ASTN1: variants seen among roughly 807,000 people sequenced by gnomAD.
ASTN1 encodes the protein astrotactin 1, also known as astrotactin-1.
In ASTN1, 41 loss-of-function variants were observed where a neutral mutation model predicts 140.7. That is an observed-to-expected ratio of 0.29 (90% CI 0.23 to 0.38). ASTN1 has a LOEUF of 0.38. ASTN1 is among the 10% of genes least tolerant of loss of function. The pLI is 1.00. For synonymous variants in ASTN1, 640 were observed against 652.2 expected, an observed-to-expected ratio of 0.98 and a Z score of 0.29; for missense variants, 1,479 against 1,678.8, an observed-to-expected ratio of 0.88 and a Z score of 2.08.
intron 5 of ASTN1, among the ~76,000 whole-genome samples, chr1:177,028,404 A>C (rs1164884750): frequency 6.6e-6 from 1 of 152,210 alleles, no homozygotes; most frequent in Non-Finnish European, 1.5e-5. Flanking sequence ...TCTTGAGAAA[A>C]ATGATGGAAA....
chr1:176,936,744 A>G (rs1006590377), intron 14 of ASTN1, among the ~76,000 whole-genome samples: 1 of 152,176 alleles, frequency 6.6e-6, no homozygotes, highest in African/African-American at 2.4e-5. Context: ...AAACCTGACT[A>G]CACTCTCTCT....
intron 2 of ASTN1, among the ~76,000 whole-genome samples, chr1:177,051,876 G>A (rs1447706562): frequency 1.3e-5 from 2 of 152,154 alleles, no homozygotes; most frequent in African/African-American, 2.4e-5. Context: ...TACCTGGGCA[G>A]TGATGGAATT....
rs1034069916 is a variant in ASTN1 at position 177,023,449 on chromosome 1, G to A, written c.1393C>T (p.Arg465Trp). 16 of 1,606,482 alleles carry A rather than the reference G, an allele frequency of 1.0e-5. No homozygotes were observed. Among genetic ancestry groups the A allele is most frequent in the South Asian group, 2.2e-5 (2 of 89,844 alleles). Residue 465 changes from arginine (R) to tryptophan (W), a missense_variant, in exon 7 of 23, where the codon CGG (arginine) becomes TGG (tryptophan). Physicochemically the swap from Arg to Trp is moderately radical, Grantham distance 101. Transcript: ENST00000361833. ...SGPWAMDLCA[R>W]RLLDPCEHQC... ...TGTTCACAGGGGTCCAGGAGCCGCC[G>A]GGCACAGAGGTCCATGGCCCAGGGT... is the stretch of plus-strand genomic sequence containing the variant.
chr1:177,138,189 A>G (rs1293081797), intron 1 of ASTN1, among the ~76,000 whole-genome samples: 1 of 152,218 alleles, frequency 6.6e-6, no homozygotes, highest in Non-Finnish European at 1.5e-5. Context: ...TCACCTTAAA[A>G]GGCTAAATTT....
intron 14 of ASTN1, among the ~76,000 whole-genome samples, chr1:176,941,111 G>A (rs1671694170): frequency 6.6e-6 from 1 of 152,142 alleles, no homozygotes. Flanking sequence ...TAAATTTATG[G>A]GAATTATGAC....
chr1:177,043,802 GCCCTTCATTC>G lies in ASTN1; in HGVS notation c.472-10963_472-10954del, dbSNP rs1558054046. On this transcript the variant is annotated intron_variant, in intron 2 of 22. Transcript: ENST00000361833. ...CATCATATGCCAATATCCCTTCCAA[GCCCTTCATTC>G]CTTGCCAGCAAGCTTTGTCTGGCAT... Among the ~76,000 whole-genome samples, 5 of 152,290 alleles carry G rather than the reference GCCCTTCATTC, an allele frequency of 3.3e-5. No homozygotes were observed. The East Asian group carries it at 9.6e-4, about 29-fold the overall frequency.
intron 8 of ASTN1, among the ~76,000 whole-genome samples, chr1:176,996,314 G>C (rs34585471): frequency 0.32 from 46,814 of 146,994 alleles, 8,700 homozygotes; most frequent in Non-Finnish European, 0.43. Context: ...CACACACAGA[G>C]AGAGAGAGAG....
intron 11 of ASTN1, among the ~76,000 whole-genome samples, chr1:176,954,976 C>T (rs1211893227): frequency 6.6e-6 from 1 of 152,196 alleles, no homozygotes; most frequent in Non-Finnish European, 1.5e-5. Context: ...GTTGAGCAGC[C>T]TATGCGGACC....
intron 11 of ASTN1, 59 bp downstream of exon 11, chr1:176,957,619 C>T (rs1672465122): frequency 1.4e-5 from 22 of 1,592,102 alleles, no homozygotes; most frequent in Non-Finnish European, 1.7e-5. Flanking sequence ...TTGTGTCTTC[C>T]CCCGTGCCTT....
chr1:176,925,472 G>C (rs1670915406), intron 16 of ASTN1, among the ~76,000 whole-genome samples: 1 of 152,068 alleles, frequency 6.6e-6, no homozygotes, highest in South Asian at 2.1e-4. Flanking sequence ...AAGATCTTAG[G>C]TGATACATAT....
chr1:176,877,068 C>A (rs903464757), intron 20 of ASTN1, among the ~76,000 whole-genome samples: 5 of 152,120 alleles, frequency 3.3e-5, no homozygotes, highest in Admixed American at 2.6e-4. Context: ...ACTTTGACAA[C>A]CACTCAGGGG....
chr1:177,033,011 T>G (rs925690541), intron 2 of ASTN1, among the ~76,000 whole-genome samples, 162 bp from the exon 3 acceptor site: 1 of 152,154 alleles, frequency 6.6e-6, no homozygotes, highest in Non-Finnish European at 1.5e-5. Context: ...CAAAGGGAAA[T>G]TCTACTGTGA....
chr1:176,952,274 AACAC>A (rs144279619), intron 11 of ASTN1, among the ~76,000 whole-genome samples: 3 of 149,716 alleles, frequency 2.0e-5, no homozygotes, highest in Non-Finnish European at 3.0e-5. Context: ...CAAACACACA[AACAC>A]ACACACACAC....
At chr1:177,053,049 T>C (rs1357349135) in intron 2 of ASTN1, among the ~76,000 whole-genome samples, 1 of 152,230 alleles carries the variant, frequency 6.6e-6, no homozygotes, top group Non-Finnish European at 1.5e-5. Context: ...TGATAGTATG[T>C]ATGCAAATGA....
At chr1:176,995,543 CG>C (rs1311797624) in intron 8 of ASTN1, among the ~76,000 whole-genome samples, 1 of 152,066 alleles carries the variant, frequency 6.6e-6, no homozygotes, top group Non-Finnish European at 1.5e-5. Context: ...TAGGATAGCA[CG>C]GCACACACAA....
chr1:177,104,112 A>T (rs946125180), intron 1 of ASTN1, among the ~76,000 whole-genome samples: 1 of 152,000 alleles, frequency 6.6e-6, no homozygotes, highest in Non-Finnish European at 1.5e-5. Flanking sequence ...TGGCCTCTGC[A>T]ATGCCCACCA....
At chr1:177,005,237 AT>A (rs1674933835) in intron 8 of ASTN1, among the ~76,000 whole-genome samples, 1 of 152,236 alleles carries the variant, frequency 6.6e-6, no homozygotes, top group African/African-American at 2.4e-5. Flanking sequence ...AATGCTCAAC[AT>A]TATTAATCAT....
At chr1:177,036,506 A>G (rs1676726355) in intron 2 of ASTN1, among the ~76,000 whole-genome samples, 1 of 152,196 alleles carries the variant, frequency 6.6e-6, no homozygotes, top group Non-Finnish European at 1.5e-5. Context: ...ATACTTTGCA[A>G]TGGCTTACTA....
rs74931609 is a variant in ASTN1 at position 176,943,681 on chromosome 1, G to A, written c.2377+210C>T. On this transcript the variant is annotated intron_variant, in intron 14 of 22. Transcript: ENST00000361833. Reference sequence around the variant, plus strand: ...AACTAACAAGAAAATACACTATTAGGACCACTTTGAAGGAGATTATATGAT... The same window carrying A: ...AACTAACAAGAAAATACACTATTAGAACCACTTTGAAGGAGATTATATGAT... Among the ~76,000 whole-genome samples the A allele has an allele frequency of 4.2e-3, 639 of 152,004 alleles. 3 individuals carry two copies. Among genetic ancestry groups the A allele is most frequent in the African/African-American group, 0.014 (592 of 41,456 alleles).
Sources: gnomAD v4.1 joint callset for allele counts (sites outside exome capture counted in the v4.1 genomes callset) on GRCh38, gnomAD v4.1.1 for gene constraint, MANE v1.5 for transcripts, NCBI Gene and HGNC (gene_info 2026-07-23, HGNC 2026-07-21) for gene names.